The following DYNC2LI1 variants were observed in gnomAD, a reference collection of about 807,000 sequenced individuals.
DYNC2LI1 encodes dynein cytoplasmic 2 light intermediate chain 1.
DYNC2LI1 carries 45 observed loss-of-function variants against 51.9 expected under a neutral mutation model. The observed-to-expected ratio is 0.87, with a 90% CI of 0.68 to 1.11. The LOEUF is 1.11. DYNC2LI1 is among the 50% of genes most tolerant of loss of function. The probability of loss-of-function intolerance (pLI) is 0.00; values close to 1 mark genes in which losing one functional copy is unlikely to be tolerated. For missense variants in DYNC2LI1, 490 were observed against 417.4 expected (o/e 1.17, Z -1.51); for synonymous variants, 130 against 137.8 (o/e 0.94, Z 0.40).
At chr2:43,827,873 G>T in the DYNC2LI1 span, 1 of 1,518,992 alleles carries the variant, frequency 6.6e-7, no homozygotes, top group Middle Eastern at 1.9e-4. Flanking sequence ...GATTTCAGTT[G>T]TACACAAACC....
At chr2:43,774,918 A>G (rs1672942986) in intron 1 of DYNC2LI1, among the ~76,000 whole-genome samples, 1 of 152,322 alleles carries the variant, frequency 6.6e-6, no homozygotes, top group South Asian at 2.1e-4. Flanking sequence ...TGTTGTGTAA[A>G]TGAAGAGCAA....
chr2:43,800,784 C>A, intron 8 of DYNC2LI1, 57 bp from the exon 9 acceptor site: 2 of 932,092 alleles, frequency 2.1e-6, no homozygotes, highest in South Asian at 1.8e-5. Flanking sequence ...ATTTATTTTA[C>A]CTGTTTCTGT....
rs966166104 is a variant in DYNC2LI1 at position 43,780,288 on chromosome 2, A to G, written c.127-3232A>G. ...GACCATGGCAGAAGCAGAGTGAGGG[A>G]AAAGGCCTCCATTGGGAGGCAAATG... On this transcript the variant is annotated intron_variant, in intron 2 of 12. Coordinates refer to ENST00000260605, the MANE Select transcript of DYNC2LI1 (RefSeq NM_016008.4). Among the ~76,000 whole-genome samples, 43 of 152,180 alleles carry G rather than the reference A, an allele frequency of 2.8e-4. 1 individual carries two copies. Among genetic ancestry groups the G allele is most frequent in the African/African-American group, 9.7e-4 (40 of 41,442 alleles).
intron 2 of DYNC2LI1, 117 bp from the exon 3 acceptor site, chr2:43,783,403 C>T: frequency 1.2e-6 from 1 of 800,786 alleles, no homozygotes; most frequent in Non-Finnish European, 2.0e-6. Context: ...TTTTAGTTTC[C>T]AGGTAATTTA....
chr2:43,812,698 CTCTT>C (rs564987569), downstream of DYNC2LI1: 22 of 204,386 alleles, frequency 1.1e-4, no homozygotes, highest in South Asian at 1.8e-3. Context: ...ACCCACAACT[CTCTT>C]TCTCTGTCAC....
chr2:43,781,522 C>A (rs114537571), intron 2 of DYNC2LI1: 1 of 151,846 alleles, frequency 6.6e-6, no homozygotes, highest in African/African-American at 2.4e-5. Flanking sequence ...GGTAATGTAG[C>A]CCTTATTAAT....
downstream of DYNC2LI1, among the ~76,000 whole-genome samples, chr2:43,811,808 A>T (rs1035942959): frequency 6.6e-5 from 10 of 151,918 alleles, no homozygotes; most frequent in Admixed American, 2.0e-4. Flanking sequence ...GTTGGCCAGG[A>T]TGGTCTCAAT....
intron 2 of DYNC2LI1, among the ~76,000 whole-genome samples, chr2:43,777,906 G>A (rs917180614): frequency 6.6e-6 from 1 of 151,962 alleles, no homozygotes. Flanking sequence ...TAAAAAAGCA[G>A]GACACAAGTG....
At chr2:43,788,877 T>C (rs918258840) in intron 4 of DYNC2LI1, among the ~76,000 whole-genome samples, 1 of 152,232 alleles carries the variant, frequency 6.6e-6, no homozygotes, top group Admixed American at 6.5e-5. Flanking sequence ...CAAGTGATCC[T>C]CCAGCCTTGG....
chr2:43,775,312 A>G (rs1412035080), intron 1 of DYNC2LI1, among the ~76,000 whole-genome samples: 1 of 152,236 alleles, frequency 6.6e-6, no homozygotes, highest in Non-Finnish European at 1.5e-5. Flanking sequence ...TAGCAGAATC[A>G]GGCTAGGACC....
At chr2:43,820,216 G>A in the DYNC2LI1 span, 1 of 1,244,450 alleles carries the variant, frequency 8.0e-7, no homozygotes, top group Non-Finnish European at 1.1e-6. Flanking sequence ...AGTTTGCAGG[G>A]CAAGCCACAC....
At chr2:43,825,100 G>A in the DYNC2LI1 span, 1 of 1,550,366 alleles carries the variant, frequency 6.5e-7, no homozygotes, top group Non-Finnish European at 8.8e-7. Flanking sequence ...ACTGATGCAG[G>A]GCCAAGGTCA....
intron 3 of DYNC2LI1, among the ~76,000 whole-genome samples, chr2:43,785,808 A>C (rs1673500239): frequency 6.6e-6 from 1 of 152,072 alleles, no homozygotes; most frequent in South Asian, 2.1e-4. Context: ...GGTAGTTACC[A>C]AGGACTAGGG....
chr2:43,816,982 C>T, the DYNC2LI1 span, among the ~76,000 whole-genome samples: 1 of 152,134 alleles, frequency 6.6e-6, no homozygotes, highest in African/African-American at 2.4e-5. Flanking sequence ...AGGGAGCCAA[C>T]AGCACAAATG....
chr2:43,826,536 G>A, the DYNC2LI1 span: 7 of 1,614,034 alleles, frequency 4.3e-6, no homozygotes, highest in Admixed American at 5.0e-5. Context: ...CAGCAAAGAA[G>A]GGCCAGACTT....
chr2:43,815,903 A>G, the DYNC2LI1 span, among the ~76,000 whole-genome samples: 1 of 127,180 alleles, frequency 7.9e-6, no homozygotes, highest in Non-Finnish European at 1.6e-5. Flanking sequence ...GAGTAAGAAC[A>G]GGAAAAGAAA....
chr2:43,826,275 C>T, the DYNC2LI1 span: 6 of 1,537,038 alleles, frequency 3.9e-6, no homozygotes, highest in Admixed American at 5.3e-5. Context: ...GCTGGAATTA[C>T]AAGTGTGAGC....
chr2:43,819,530 T>C, the DYNC2LI1 span, among the ~76,000 whole-genome samples: 1 of 151,914 alleles, frequency 6.6e-6, no homozygotes, highest in Non-Finnish European at 1.5e-5. Flanking sequence ...TAACTGGGAA[T>C]TGAGAACTGC....
chr2:43,794,835 T>A, intron 6 of DYNC2LI1, 192 bp downstream of exon 6: 1 of 1,447,090 alleles, frequency 6.9e-7, no homozygotes, highest in Non-Finnish European at 9.1e-7. Context: ...AGATTCCTTA[T>A]ATCTTCTTGT....
Sources: gnomAD v4.1 joint callset for allele counts (sites outside exome capture counted in the v4.1 genomes callset) on GRCh38, gnomAD v4.1.1 for gene constraint, MANE v1.5 for transcripts, NCBI Gene and HGNC (gene_info 2026-07-23, HGNC 2026-07-21) for gene names.